Variants in KMT2D observed in about 807,000 individuals in gnomAD.
KMT2D encodes the protein histone-lysine N-methyltransferase 2D.
A neutral mutation model predicts 512.7 loss-of-function variants in KMT2D; 55 were observed. The observed-to-expected ratio is 0.11, with a 90% CI of 0.09 to 0.13. The LOEUF is 0.13. KMT2D is among the 10% of genes least tolerant of loss of function. The pLI is 1.00. For synonymous variants in KMT2D, 2,995 were observed against 2,904.0 expected (o/e 1.03, Z -1.01); for missense variants, 6,061 against 7,127.9 (o/e 0.85, Z 5.39).
rs1402313673 is a variant in KMT2D at position 49,038,074 on chromosome 12, C to T, written c.9282G>A (p.Leu3094=). Residue 3094 remains leucine, a synonymous_variant, in exon 35 of 55, where the codon TTG becomes TTA. Coordinates refer to ENST00000301067, the MANE Select transcript of KMT2D (RefSeq NM_003482.4). This position sits in a 1 kb window ranked among gnomAD's most constrained non-coding sequence, Gnocchi z 5.7. ...ALLRGVEPGP[L]GPEERPPPAA... is the part of the protein sequence containing the mutation. ...CAGGGGGAGGGCGCTCCTCAGGGCCCAAGGGTCCTGGCTCCACCCCCCGCA... is the reference window on the plus strand; with the variant it reads ...CAGGGGGAGGGCGCTCCTCAGGGCCTAAGGGTCCTGGCTCCACCCCCCGCA... The T allele has an allele frequency of 6.2e-7, 1 of 1,613,502 alleles. No individual in the cohort carries two copies. The highest frequency in any genetic ancestry group is 1.1e-5 in the South Asian group (1 of 91,038).
At chr12:49,031,122 C>T (rs756358382) in intron 40 of KMT2D, 53 bp downstream of exon 40, 100 of 1,609,614 alleles carry the variant, frequency 6.2e-5, no homozygotes, top group Non-Finnish European at 8.4e-5. Flanking sequence ...CATTCTGCCC[C>T]CCGCTGGCTC....
At position 49,037,381 on chromosome 12, in the gene KMT2D, C is replaced by A. The variant is rs776655300; in HGVS notation, c.9975G>T (p.Leu3325Phe). The A allele has an allele frequency of 3.1e-6, 5 of 1,609,050 alleles. No individual in the cohort carries two copies. Among genetic ancestry groups the A allele is most frequent in the East Asian group, 2.2e-5 (1 of 44,732 alleles). The change falls in exon 35 of 55, where the codon TTG becomes TTT. Residue 3325 changes from leucine to phenylalanine, a missense_variant. Physicochemically the swap from Leu to Phe is conservative, Grantham distance 22 (BLOSUM62 0). This residue lies in a region of KMT2D where 533 missense variants were observed against 539.6 expected (regional missense o/e 0.99). Transcript: ENST00000301067. The stretch of plus-strand genomic sequence containing the variant: ...GCTGGGTGGGCATCAGTGGCTGGGG[C>A]AAACCTGGCTGTCGGGCACCTGCAA... ...LGLAGARQPG[L>F]PQPLMPTQPP...
chr12:49,032,816 C>CTGT lies in KMT2D; in HGVS notation c.11886_11888dup (p.Gln3965dup), dbSNP rs780886030. On this transcript the variant is annotated inframe_insertion, in exon 40 of 55. Coordinates refer to ENST00000301067, the MANE Select transcript of KMT2D (RefSeq NM_003482.4). Reference sequence around the variant, plus strand: ...GTTGCTGCTGCTGTTGAAACTGCTGCTGTTGTTGTTGCTGTTGCTGTTGTA... The same window carrying CTGT: ...GTTGCTGCTGCTGTTGAAACTGCTGCTGTTGTTGTTGTTGCTGTTGCTGTTGTA... 2.6e-6 allele frequency: 4 copies of CTGT among 1,551,102 alleles called. No homozygotes were observed. The highest frequency in any genetic ancestry group is 2.7e-5 in the African/African-American group (2 of 72,932).
chr12:49,027,781 C>G (rs1477710180), intron 48 of KMT2D, 22 bp downstream of exon 48: 3 of 1,553,238 alleles, frequency 1.9e-6, no homozygotes, highest in African/African-American at 1.4e-5. Context: ...AACACCCACC[C>G]CTTTTTCTCC....
At position 49,020,740 on chromosome 12, in the gene KMT2D, C is replaced by G. The variant is rs1456954219; in HGVS notation, c.*1040G>C. ...CTCAGGGATAGCCCTCACCCTACCCCCCACCCAACCCGTCCAGGGGCTGGA... is the reference window on the plus strand; with the variant it reads ...CTCAGGGATAGCCCTCACCCTACCCGCCACCCAACCCGTCCAGGGGCTGGA... On this transcript the variant is annotated 3_prime_UTR_variant, in exon 55 of 55. Coordinates refer to ENST00000301067, the MANE Select transcript of KMT2D (RefSeq NM_003482.4). The G allele has an allele frequency of 4.8e-6, 1 of 210,284 alleles. No individual in the cohort carries two copies. The highest frequency in any genetic ancestry group is 5.9e-5 in the Admixed American group (1 of 16,938). The allele number at this position is 210,284 out of a possible 1,614,324, so 13.0% of individuals were successfully genotyped here. A position where few individuals can be genotyped will look rare whatever the true frequency, so the allele number is the denominator to read the frequency against.
At position 49,046,437 on chromosome 12, in the gene KMT2D, G is replaced by C. The variant is rs1943788012; in HGVS notation, c.4419-13C>G. 6.2e-7 allele frequency: 1 copy of C among 1,612,008 alleles called. No individual in the cohort carries two copies. The highest frequency in any genetic ancestry group is 8.5e-7 in the Non-Finnish European group (1 of 1,178,648). ...ACAGGACACACACCTGATAGGAGCA[G>C]GAAAACAGAGCTTTAGCACCCAACC... On this transcript the variant is annotated splice_polypyrimidine_tract_variant and intron_variant, in intron 16 of 54. Coordinates refer to ENST00000301067, the MANE Select transcript of KMT2D (RefSeq NM_003482.4). This position sits in a 1 kb window ranked among gnomAD's most constrained non-coding sequence, Gnocchi z 4.2.
chr12:49,053,781 C>T, intron 6 of KMT2D, 140 bp from the exon 7 acceptor site: 7 of 1,148,842 alleles, frequency 6.1e-6, no homozygotes, highest in Non-Finnish European at 8.5e-6. Flanking sequence ...CGTCTGCCAG[C>T]TACTGTTCTA....
Position 49,043,259 on chromosome 12 carries a change from T to C in KMT2D, c.5534-73A>G, listed in dbSNP as rs898802368. On this transcript the variant is annotated intron_variant, in intron 25 of 54. Transcript: ENST00000301067. ...GGCCACTCTGAACCACAGAGGGCCA[T>C]GGGACAGTTTCCAGCCTCCAACACT... The C allele has an allele frequency of 3.9e-6, 6 of 1,550,152 alleles. No homozygotes were observed. The African/African-American group carries it at 4.1e-5, about 11-fold the overall frequency.
In KMT2D at chr12:49,018,991, CTT is replaced by C. The variant is rs979601685; in HGVS notation, c.*2787_*2788del. On this transcript the variant is annotated 3_prime_UTR_variant, in exon 55 of 55. Transcript: ENST00000301067. ...CGGAGCCGCTTGTATTTAAAATGTTCTTTTTTTATTTGTCGTTTAAAAACAAA... is the reference window on the plus strand; with the variant it reads ...CGGAGCCGCTTGTATTTAAAATGTTCTTTTTATTTGTCGTTTAAAAACAAA... 1.4e-6 allele frequency: 2 copies of C among 1,403,886 alleles called. No homozygotes were observed. The highest frequency in any genetic ancestry group is 1.8e-6 in the Non-Finnish European group (2 of 1,083,180). The allele number at this position is 1,403,886 out of a possible 1,614,324, so 87.0% of individuals were successfully genotyped here. A position where few individuals can be genotyped will look rare whatever the true frequency, so the allele number is the denominator to read the frequency against.
intron 1 of KMT2D, 55 bp downstream of exon 1, chr12:49,059,558 G>A (rs1938614037): frequency 6.6e-6 from 1 of 152,384 alleles, no homozygotes; most frequent in Non-Finnish European, 1.5e-5. Flanking sequence ...TAGTCCATCT[G>A]GCTGTGCCCC....
At position 49,040,789 on chromosome 12, in the gene KMT2D, G is replaced by A. The variant is rs1254716022; in HGVS notation, c.6981C>T (p.Phe2327=). ...GGLELKTPDV[F]KAPLTPRASQ... The stretch of plus-strand genomic sequence containing the variant: ...ATGCCCGAGGGGTCAGGGGGGCTTT[G>A]AAGACATCAGGTGTCTTTAACTCCA... The change falls in exon 32 of 55, where the codon TTC becomes TTT. Residue 2327 remains phenylalanine, a synonymous_variant. Coordinates refer to ENST00000301067, the MANE Select transcript of KMT2D (RefSeq NM_003482.4). The A allele has an allele frequency of 6.2e-7, 1 of 1,613,554 alleles. No homozygotes were observed. The highest frequency in any genetic ancestry group is 8.5e-7 in the Non-Finnish European group (1 of 1,179,746).
chr12:49,034,750 A>G (rs2120459198), intron 36 of KMT2D, 62 bp downstream of exon 36: 1 of 1,606,796 alleles, frequency 6.2e-7, no homozygotes, highest in Non-Finnish European at 8.5e-7. Context: ...TAGGGAGGGG[A>G]GCCAAGAAGG....
At position 49,034,879 on chromosome 12, in the gene KMT2D, C is replaced by A. The variant is rs1943139155; in HGVS notation, c.10288G>T (p.Val3430Leu). The A allele has an allele frequency of 6.2e-7, 1 of 1,614,012 alleles. No individual in the cohort carries two copies. The highest frequency in any genetic ancestry group is 8.5e-7 in the Non-Finnish European group (1 of 1,179,900). Residue 3430 changes from valine to leucine, a missense_variant, in exon 36 of 55, where the codon GTG becomes TTG. Coordinates refer to ENST00000301067, the MANE Select transcript of KMT2D (RefSeq NM_003482.4). ...IIDPIAKAKM[V>L]ALKGIKKVMA... is the part of the protein sequence containing the mutation. Reference sequence around the variant, plus strand: ...ACTTTCTTGATGCCTTTCAAAGCCACCATCTTGGCCTTTGCAATGGGATCA... The same window carrying A: ...ACTTTCTTGATGCCTTTCAAAGCCAACATCTTGGCCTTTGCAATGGGATCA...
rs2120675667 is a variant in KMT2D at position 49,051,747 on chromosome 12, G to A, written c.1936C>T (p.Pro646Ser). The A allele has an allele frequency of 6.3e-7, 1 of 1,581,176 alleles. No homozygotes were observed. Among genetic ancestry groups the A allele is most frequent in the Non-Finnish European group, 8.7e-7 (1 of 1,152,020 alleles). The stretch of plus-strand genomic sequence containing the variant: ...GATAGGCGCGATACCTCAGGTGGGG[G>A]GGACATAGGTGATTCTTCAGGTGGT... ...SPPPEESPMS[P>S]PPEVSRLSPL... Residue 646 changes from proline (P) to serine (S), a missense_variant, in exon 11 of 55, where the codon CCC (proline) becomes TCC (serine). Pro to Ser is a moderately conservative substitution (Grantham distance 74). Transcript: ENST00000301067.
intron 35 of KMT2D, 120 bp from the exon 36 acceptor site, chr12:49,035,055 G>GA (rs1203172282): frequency 4.8e-6 from 6 of 1,246,916 alleles, no homozygotes; most frequent in Non-Finnish European, 6.8e-6. Flanking sequence ...CGGCAAGGCA[G>GA]AAAGACCACT....
intron 15 of KMT2D, among the ~76,000 whole-genome samples, chr12:49,047,096 T>C (rs1943825077): frequency 6.6e-6 from 1 of 152,104 alleles, no homozygotes; most frequent in South Asian, 2.1e-4. Flanking sequence ...TCCACCCGCC[T>C]CACCCTCCCG....
rs1402145350 is a variant in KMT2D, at chr12:49,031,436, T to C, written c.13269A>G (p.Pro4423=). 6 of 1,613,766 alleles carry C rather than the reference T, an allele frequency of 3.7e-6. No individual in the cohort carries two copies. Among genetic ancestry groups the C allele is most frequent in the African/African-American group, 1.3e-5 (1 of 75,038 alleles). ...LSIKQEPREE[P]CALGAQSVKR... ...TCACTGACTGGGCTCCCAGGGCACA[T>C]GGCTCTTCCCGAGGTTCCTGCTTGA... The change falls in exon 40 of 55, where the codon CCA becomes CCG. Residue 4423 remains proline (P), a synonymous_variant. Transcript: ENST00000301067.
chr12:49,053,356 C>T lies in KMT2D; in HGVS notation c.840-35G>A, dbSNP rs368840291. The T allele has an allele frequency of 1.3e-5, 21 of 1,601,880 alleles. No individual in the cohort carries two copies. The African/African-American group carries it at 1.9e-4, about 14-fold the overall frequency. On this transcript the variant is annotated intron_variant, in intron 7 of 54. Coordinates refer to ENST00000301067, the MANE Select transcript of KMT2D (RefSeq NM_003482.4). Reference sequence around the variant, plus strand: ...CACATGGAACATTACAGTGTCCTCTCTGCCCTCATTTCCTTTCTTTTTTGT... The same window carrying T: ...CACATGGAACATTACAGTGTCCTCTTTGCCCTCATTTCCTTTCTTTTTTGT...
rs1459498988 is a variant in KMT2D at position 49,040,652 on chromosome 12, G to A, written c.7118C>T (p.Ser2373Phe). ...PSHPDIFRPG[S>F]YTDPYAQPPL... ...GGGCTGAGCATATGGGTCAGTGTAG[G>A]AGCCAGGGCGAAAGATGTCTGGGTG... Residue 2373 changes from serine (S) to phenylalanine (F), a missense_variant, in exon 32 of 55, where the codon TCC becomes TTC. By Grantham distance (155) the Ser-to-Phe change is radical. Transcript: ENST00000301067. The A allele has an allele frequency of 2.5e-6, 4 of 1,613,676 alleles. No homozygotes were observed. Among genetic ancestry groups the A allele is most frequent in the Non-Finnish European group, 3.4e-6 (4 of 1,179,818 alleles).
Sources: allele counts gnomAD v4.1 joint callset (sites outside exome capture counted in the v4.1 genomes callset), GRCh38; gene constraint gnomAD v4.1.1; regional missense constraint gnomAD v4.1.1; non-coding constraint Gnocchi (gnomAD v3.1); transcripts MANE v1.5; gene names NCBI Gene and HGNC (gene_info 2026-07-23, HGNC 2026-07-21).